Variants in PCDHA2 observed in about 807,000 individuals in gnomAD.
The protein encoded by PCDHA2 is protocadherin alpha-2.
A neutral mutation model predicts 66.0 loss-of-function variants in PCDHA2; 58 were observed. The observed-to-expected ratio is 0.88, with a 90% CI of 0.71 to 1.09. The LOEUF (loss-of-function observed/expected upper bound fraction) is 1.09, where lower values mean the gene tolerates loss of function less well. PCDHA2 is among the 50% of genes least tolerant of loss of function. The pLI is 0.00. For missense variants in PCDHA2, 1,267 were observed against 1,242.3 expected, an observed-to-expected ratio of 1.02 and a Z score of -0.30; for synonymous variants, 634 against 554.0, an observed-to-expected ratio of 1.14 and a Z score of -2.03.
rs782058857 is a variant in PCDHA2 at position 140,870,963 on chromosome 5, G to A, written c.2388+73611G>A. Reference sequence around the variant, plus strand: ...CGGCGGCGGGCGGCTCGCGCATCCCGTTCCGCGTGGGGCTGTACACGGGCG... The same window carrying A: ...CGGCGGCGGGCGGCTCGCGCATCCCATTCCGCGTGGGGCTGTACACGGGCG... On this transcript the variant is annotated intron_variant, in intron 1 of 3. Coordinates refer to ENST00000526136, the MANE Select transcript of PCDHA2 (RefSeq NM_018905.3). 1.4e-5 allele frequency: 22 copies of A among 1,613,504 alleles called. 1 individual carries two copies. The highest frequency in any genetic ancestry group is 1.9e-5 in the Non-Finnish European group (22 of 1,179,890).
intron 1 of PCDHA2, chr5:140,857,340 C>A (rs782392001): frequency 9.4e-6 from 15 of 1,598,236 alleles, no homozygotes; most frequent in Non-Finnish European, 1.2e-5. Context: ...GACGGGGGCT[C>A]GCCTCCGCTG....
At chr5:140,969,598 T>C in intron 1 of PCDHA2, 1 of 790,872 alleles carries the variant, frequency 1.3e-6, no homozygotes, top group Non-Finnish European at 1.9e-6. Context: ...TAATATTTAA[T>C]GCTAAAACAC....
chr5:140,868,834 A>G (rs1554162245), intron 1 of PCDHA2: 10 of 427,500 alleles, frequency 2.3e-5, no homozygotes, highest in Non-Finnish European at 8.0e-6. Context: ...AAGAAACCCA[A>G]AACACGTGAA....
rs1554119405 is a variant in PCDHA2 at position 140,795,376 on chromosome 5, A to T, written c.412A>T (p.Lys138Ter). 1 of 1,614,146 alleles carries T rather than the reference A, an allele frequency of 6.2e-7. No individual in the cohort carries two copies. Among genetic ancestry groups the T allele is most frequent in the East Asian group, 2.2e-5 (1 of 44,876 alleles). The change falls in exon 1 of 4, where the codon AAG (lysine) becomes TAG (stop). Residue 138 changes from lysine (K) to a stop codon, truncating the protein, a stop_gained. Coordinates refer to ENST00000526136, the MANE Select transcript of PCDHA2 (RefSeq NM_018905.3). LOFTEE classifies it high-confidence loss of function. ...DNPPIFPMTVKTIRFPESRLL... is the reference protein window; with the variant it reads ...DNPPIFPMTV ...CCCGCCAATATTTCCAATGACAGTA[A>T]AGACTATCCGGTTTCCCGAATCAAG...
intron 1 of PCDHA2, among the ~76,000 whole-genome samples, chr5:140,945,912 A>G (rs1351762760): frequency 2.0e-5 from 3 of 152,132 alleles, no homozygotes; most frequent in African/African-American, 7.2e-5. Flanking sequence ...TGAAAGATCA[A>G]TAACACTGAT....
chr5:140,836,673 C>G (rs2150267482), intron 1 of PCDHA2: 2 of 1,613,246 alleles, frequency 1.2e-6, no homozygotes, highest in Non-Finnish European at 8.5e-7. Flanking sequence ...TGGGGAGGGC[C>G]CACCCAAGAC....
At chr5:140,813,645 A>C (rs183408897) in intron 1 of PCDHA2, 1 of 152,312 alleles carries the variant, frequency 6.6e-6, no homozygotes, top group Non-Finnish European at 1.5e-5. Context: ...ATTACTGTGC[A>C]CTAATGTAGA....
In PCDHA2 at chr5:140,796,471, G is replaced by T. The variant is rs147855137; in HGVS notation, c.1507G>T (p.Ala503Ser). The change falls in exon 1 of 4, where the codon GCG becomes TCG. Residue 503 changes from alanine to serine, a missense_variant. Ala to Ser is a moderately conservative substitution (Grantham distance 99). Coordinates refer to ENST00000526136, the MANE Select transcript of PCDHA2 (RefSeq NM_018905.3). ...GGTGGAGCGGCGGGTGGGCGAGCGC[G>T]CGTTGTCGAGCTACGTTTCGGTGCA... is the stretch of plus-strand genomic sequence containing the variant. ...SLVERRVGER[A>S]LSSYVSVHAE... is the part of the protein sequence containing the mutation. The T allele has an allele frequency of 6.2e-7, 1 of 1,612,160 alleles. No individual in the cohort carries two copies. The highest frequency in any genetic ancestry group is 1.7e-5 in the Admixed American group (1 of 60,002).
intron 1 of PCDHA2, chr5:140,871,003 C>T (rs782654281): frequency 1.2e-6 from 2 of 1,613,416 alleles, no homozygotes; most frequent in Non-Finnish European, 1.7e-6. Context: ...AAGCACAACG[C>T]GTGCCCTGGA....
chr5:140,828,047 T>C, intron 1 of PCDHA2: 1 of 1,543,604 alleles, frequency 6.5e-7, no homozygotes, highest in Non-Finnish European at 8.7e-7. Flanking sequence ...ATTTTATCTT[T>C]ATGCGGAAGA....
chr5:140,819,362 C>A (rs1256246509), intron 1 of PCDHA2, among the ~76,000 whole-genome samples: 2 of 152,074 alleles, frequency 1.3e-5, no homozygotes, highest in East Asian at 3.8e-4. Flanking sequence ...ATTAAATTTT[C>A]TTGTGTTAGT....
intron 1 of PCDHA2, chr5:140,813,054 C>T (rs1554126104): frequency 6.6e-6 from 1 of 152,090 alleles, no homozygotes; most frequent in Non-Finnish European, 1.5e-5. Context: ...GTTTTGTGAC[C>T]TGACGTGTGA....
Position 140,795,112 on chromosome 5 carries a change from C to T in PCDHA2, c.148C>T (p.Gln50Ter), listed in dbSNP as rs1554119265. Reference sequence around the variant, plus strand: ...CGGCACCTTCGTGGGCCGCATCGCGCAGGACCTGGGGCTGGAGCTGGAGGA... The same window carrying T: ...CGGCACCTTCGTGGGCCGCATCGCGTAGGACCTGGGGCTGGAGCTGGAGGA... ...KHGTFVGRIA[Q>*]DLGLELEELV... The change falls in exon 1 of 4, where the codon CAG becomes TAG. Residue 50 changes from glutamine to a stop codon, truncating the protein, a stop_gained. Transcript: ENST00000526136. LOFTEE classifies it high-confidence loss of function. The T allele has an allele frequency of 1.9e-6, 3 of 1,614,064 alleles. No homozygotes were observed. Among genetic ancestry groups the T allele is most frequent in the East Asian group, 2.2e-5 (1 of 44,886 alleles).
chr5:140,869,867 C>A (rs1554163562), intron 1 of PCDHA2: 7 of 1,609,988 alleles, frequency 4.3e-6, no homozygotes, highest in Non-Finnish European at 5.9e-6. Context: ...ATGGAAAATG[C>A]TGCTAAAGAA....
At chr5:140,939,629 A>G (rs1250529725) in intron 1 of PCDHA2, among the ~76,000 whole-genome samples, 5 of 152,248 alleles carry the variant, frequency 3.3e-5, no homozygotes, top group African/African-American at 1.2e-4. Context: ...AAGAAAATCA[A>G]TAAGGGTACT....
At position 140,853,954 on chromosome 5, in the gene PCDHA2, C is replaced by G. The variant is rs889937140; in HGVS notation, c.2388+56602C>G. The G allele has an allele frequency of 6.5e-5, 49 of 756,134 alleles. 3 individuals are homozygous for G. In the Middle Eastern group the frequency reaches 2.0e-3, roughly 31 times the overall value. The allele number at this position is 756,134 out of a possible 1,614,324, so 46.8% of individuals were successfully genotyped here. On this transcript the variant is annotated intron_variant, in intron 1 of 3. Coordinates refer to ENST00000526136, the MANE Select transcript of PCDHA2 (RefSeq NM_018905.3). The stretch of plus-strand genomic sequence containing the variant: ...GAGGCCAAGGTGGGAGGGTCCCTTC[C>G]TTGAGCCCAGCAGTTTGAGACCAAT...
intron 1 of PCDHA2, chr5:140,869,509 A>C (rs199564677): frequency 6.2e-7 from 1 of 1,614,206 alleles, no homozygotes; most frequent in Non-Finnish European, 8.5e-7. Flanking sequence ...GTTCTCGCTC[A>C]GAGAACAAAA....
intron 1 of PCDHA2, chr5:140,809,800 T>C: frequency 2.2e-6 from 1 of 447,862 alleles, no homozygotes; most frequent in Non-Finnish European, 3.9e-6. Flanking sequence ...CTGTAATTTC[T>C]AGTAAATTTT....
At chr5:140,871,183 G>A (rs782647681) in intron 1 of PCDHA2, 2 of 1,613,586 alleles carry the variant, frequency 1.2e-6, no homozygotes, top group South Asian at 2.2e-5. Flanking sequence ...TGCGCTGGTG[G>A]ATGTCAACGT....
Sources: allele counts gnomAD v4.1 joint callset (sites outside exome capture counted in the v4.1 genomes callset), GRCh38; gene constraint gnomAD v4.1.1; transcripts MANE v1.5; gene names NCBI Gene and HGNC (gene_info 2026-07-23, HGNC 2026-07-21).